The following TP73 variants were observed in gnomAD, a reference collection of about 807,000 sequenced individuals.
The protein encoded by TP73 is p53-like transcription factor.
TP73 carries 25 observed loss-of-function variants against 62.5 expected under a neutral mutation model. The observed-to-expected ratio is 0.40, with a 90% CI of 0.29 to 0.56. The LOEUF is 0.56. Among genes scored for constraint, TP73 ranks in the 20% least tolerant of loss-of-function variants. The probability of loss-of-function intolerance (pLI) is 0.46; values close to 1 mark genes in which losing one functional copy is unlikely to be tolerated. For missense variants in TP73, 754 were observed against 913.3 expected, an observed-to-expected ratio of 0.83 and a Z score of 2.25; for synonymous variants, 423 against 377.5, an observed-to-expected ratio of 1.12 and a Z score of -1.40.
chr1:3,685,774 C>T (rs750348640), intron 3 of TP73, among the ~76,000 whole-genome samples: 1 of 152,158 alleles, frequency 6.6e-6, no homozygotes, highest in Non-Finnish European at 1.5e-5. Context: ...AAAGTTCAGC[C>T]CAGGAGCTCA....
rs139568604 is a variant in TP73, at chr1:3,732,847, T to C, written c.1679T>C (p.Leu560Pro). The change falls in exon 14 of 14, where the codon CTG (leucine) becomes CCG (proline). Residue 560 changes from leucine (L) to proline (P), a missense_variant. By Grantham distance (98) the Leu-to-Pro change is moderately conservative. This residue lies in a region of TP73 where 458 missense variants were observed against 528.7 expected (regional missense o/e 0.87). Transcript: ENST00000378295. ...QGHDYSTAQQ[L>P]LRSSNAATIS... ...CACGACTACAGCACCGCGCAGCAGCTGCTCCGCTCTAGCAACGCGGCCACC... is the reference window on the plus strand; with the variant it reads ...CACGACTACAGCACCGCGCAGCAGCCGCTCCGCTCTAGCAACGCGGCCACC... 139 of 1,611,900 alleles carry C rather than the reference T, an allele frequency of 8.6e-5. No homozygotes were observed. The highest frequency in any genetic ancestry group is 1.1e-4 in the East Asian group (5 of 44,872).
At chr1:3,730,441 T>A (rs1006319966) in intron 11 of TP73, among the ~76,000 whole-genome samples, 1 of 152,212 alleles carries the variant, frequency 6.6e-6, no homozygotes, top group Non-Finnish European at 1.5e-5. Flanking sequence ...CACAGCCTGT[T>A]TCCCCATCAG....
At position 3,733,473 on chromosome 1, in the gene TP73, A is replaced by ATCC. The variant is rs1642287401; in HGVS notation, c.*397_*399dup. ...AGGCGAGGTCCTTCCAAAGGAAAGG[A>ATCC]TCCTCTTTGCTGATGGACTGCCAAA... is the stretch of plus-strand genomic sequence containing the variant. On this transcript the variant is annotated 3_prime_UTR_variant, in exon 14 of 14. Transcript: ENST00000378295. 3.8e-6 allele frequency: 1 copy of ATCC among 264,240 alleles called. No individual in the cohort carries two copies. The highest frequency in any genetic ancestry group is 7.3e-6 in the Non-Finnish European group (1 of 136,780). 16.4% of individuals were successfully genotyped at this position (264,240 alleles called of 1,614,324 possible).
At chr1:3,702,899 A>T (rs2124358082) in intron 3 of TP73, among the ~76,000 whole-genome samples, 1 of 151,968 alleles carries the variant, frequency 6.6e-6, no homozygotes, top group South Asian at 2.1e-4. Flanking sequence ...GTTGTGGGAG[A>T]CCCCGGGCTC....
chr1:3,707,263 G>A lies in TP73; in HGVS notation c.187-286G>A, dbSNP rs368165003. 1.0e-3 allele frequency among the ~76,000 whole-genome samples: 154 copies of A among 152,262 alleles called. 1 individual carries two copies. The highest frequency in any genetic ancestry group is 3.5e-3 in the African/African-American group (146 of 41,556). On this transcript the variant is annotated intron_variant, in intron 3 of 13. Coordinates refer to ENST00000378295, the MANE Select transcript of TP73 (RefSeq NM_005427.4). ...GGCCTGGGAGCCTCCCCCACCCGAC[G>A]CCTCCCCTCCAGGTGTGCAGAGAGT...
intron 1 of TP73, among the ~76,000 whole-genome samples, chr1:3,678,400 T>C (rs998765399): frequency 1.3e-5 from 2 of 152,088 alleles, no homozygotes; most frequent in African/African-American, 4.8e-5. Flanking sequence ...TCATGCCCAG[T>C]ACTCCCAGAT....
intron 1 of TP73, among the ~76,000 whole-genome samples, chr1:3,679,843 ATCTCTCTGTCTCTCTTTGTCCC>A (rs1645477075): frequency 1.4e-5 from 1 of 69,224 alleles, no homozygotes. Context: ...TTGTCCTTGT[ATCTCTCTGTCTCTCTTTGTCCC>A]TGTCTCTCTC....
intron 7 of TP73, 77 bp from the exon 8 acceptor site, chr1:3,727,551 C>T (rs576085476): frequency 1.0e-4 from 158 of 1,540,686 alleles, no homozygotes; most frequent in East Asian, 5.7e-4. Context: ...CTGCAGGGTC[C>T]GAGGTGGGTG....
chr1:3,708,672 G>A (rs1284636660), intron 4 of TP73: 1 of 152,378 alleles, frequency 6.6e-6, no homozygotes, highest in Non-Finnish European at 1.5e-5. Flanking sequence ...GAGGGGCAAG[G>A]TGAAGGCTGC....
chr1:3,703,034 G>C (rs180783728), intron 3 of TP73, among the ~76,000 whole-genome samples: 3 of 152,192 alleles, frequency 2.0e-5, no homozygotes. Flanking sequence ...AGAGTCCCCC[G>C]AGCCAGGTGG....
intron 3 of TP73, among the ~76,000 whole-genome samples, chr1:3,692,325 A>G (rs1645865322): frequency 6.6e-6 from 1 of 152,148 alleles, no homozygotes; most frequent in Non-Finnish European, 1.5e-5. Context: ...ACCCAGCCCC[A>G]CAGCCTGCCC....
chr1:3,729,656 T>C (rs1179149673), intron 10 of TP73: 1 of 905,194 alleles, frequency 1.1e-6, no homozygotes, highest in Admixed American at 1.8e-5. Flanking sequence ...GTCATGGCCC[T>C]TGCTATGCCT....
At chr1:3,731,716 C>G (rs913004418) in intron 13 of TP73, among the ~76,000 whole-genome samples, 160 bp downstream of exon 13, 1 of 152,222 alleles carries the variant, frequency 6.6e-6, no homozygotes, top group African/African-American at 2.4e-5. Context: ...AGAGCTTAGG[C>G]AGATGCAGCC....
At chr1:3,727,909 C>A (rs984750100) in intron 8 of TP73, 139 bp downstream of exon 8, 1 of 1,331,964 alleles carries the variant, frequency 7.5e-7, no homozygotes, top group Non-Finnish European at 1.0e-6. Context: ...CCTGACGGAG[C>A]CTGAGAGCAG....
Position 3,662,493 on chromosome 1 carries a change from C to T in TP73, c.-34+9852C>T, listed in dbSNP as rs115337869. ...CTGGTGAATGAAGGTGGTTTCGTCA[C>T]GCGGACATGCGTCTCTCAGGCGATC... On this transcript the variant is annotated intron_variant, in intron 1 of 13. Coordinates refer to ENST00000378295, the MANE Select transcript of TP73 (RefSeq NM_005427.4). The surrounding 1 kb of genome is among the most constrained non-coding windows in gnomAD (Gnocchi z 4.4). Among the ~76,000 whole-genome samples the T allele has an allele frequency of 2.0e-3, 300 of 152,312 alleles. No individual in the cohort carries two copies. The highest frequency in any genetic ancestry group is 6.3e-3 in the African/African-American group (263 of 41,556).
chr1:3,665,527 C>T (rs1037610477), intron 1 of TP73, among the ~76,000 whole-genome samples: 1 of 152,014 alleles, frequency 6.6e-6, no homozygotes, highest in Admixed American at 6.6e-5. Flanking sequence ...ATGAAGTATA[C>T]GGTTAGTAAT....
intron 11 of TP73, among the ~76,000 whole-genome samples, 179 bp from the exon 12 acceptor site, chr1:3,730,748 C>G (rs1300262023): frequency 6.6e-6 from 1 of 152,200 alleles, no homozygotes; most frequent in Non-Finnish European, 1.5e-5. Context: ...GGCGAGGAGA[C>G]AGGGCCCCAG....
At chr1:3,680,127 C>T (rs1645486711) in intron 1 of TP73, among the ~76,000 whole-genome samples, 1 of 152,160 alleles carries the variant, frequency 6.6e-6, no homozygotes, top group Non-Finnish European at 1.5e-5. Context: ...CTGTCTTTGT[C>T]CCACCTTAGC....
chr1:3,723,242 ACATGGGGCTGGGCACCCTTTGAACCCGG>A (rs1641244031), intron 5 of TP73, 84 bp from the exon 6 acceptor site: 8 of 758,402 alleles, frequency 1.1e-5, no homozygotes, highest in Non-Finnish European at 1.7e-5. Context: ...TCTGCACCTG[ACATGGGGCTGGGCACCCTTTGAACCCGG>A]CACAGGGCTG....
Sources: gnomAD v4.1 joint callset for allele counts (sites outside exome capture counted in the v4.1 genomes callset) on GRCh38, gnomAD v4.1.1 for gene constraint, gnomAD v4.1.1 regional missense constraint, Gnocchi (gnomAD v3.1) non-coding constraint, MANE v1.5 for transcripts, NCBI Gene and HGNC (gene_info 2026-07-23, HGNC 2026-07-21) for gene names.